Variants in GNG2 observed in about 807,000 individuals in gnomAD.
GNG2 encodes the protein guanine nucleotide-binding protein G(I)/G(S)/G(O) subunit gamma-2.
Under a neutral mutation model 5.5 loss-of-function variants are expected in GNG2, and 5 were observed. The ratio of observed to expected loss-of-function variants is 0.91; its 90% CI spans 0.48 to 1.92. The LOEUF is 1.92. GNG2 is among the 30% of genes most tolerant of loss of function. The pLI, the probability that GNG2 is intolerant of heterozygous loss-of-function variation, is 0.01. For missense variants in GNG2, 55 were observed against 88.4 expected, an observed-to-expected ratio of 0.62 and a Z score of 1.52; for synonymous variants, 28 against 32.0, an observed-to-expected ratio of 0.88 and a Z score of 0.42.
chr14:51,932,784 G>T (rs940375538), intron 2 of GNG2, among the ~76,000 whole-genome samples: 2 of 152,008 alleles, frequency 1.3e-5, no homozygotes, highest in African/African-American at 4.8e-5. Context: ...TAAAGTATCG[G>T]GTCCTAATCC....
chr14:51,951,650 A>G (rs1437416054), intron 3 of GNG2, among the ~76,000 whole-genome samples: 1 of 152,148 alleles, frequency 6.6e-6, no homozygotes, highest in Non-Finnish European at 1.5e-5. Context: ...TTTTCTCCAT[A>G]CCTAATTCAG....
chr14:51,930,279 G>A (rs565740113), intron 2 of GNG2, among the ~76,000 whole-genome samples: 11 of 152,246 alleles, frequency 7.2e-5, no homozygotes, highest in African/African-American at 2.2e-4. Context: ...CACATTTCTT[G>A]GTGAGGAGGG....
At chr14:51,827,951 C>A in intron 2 of GNG2, 2 of 581,038 alleles carry the variant, frequency 3.4e-6, no homozygotes, top group Middle Eastern at 2.6e-4. Context: ...CATAAAGCTG[C>A]GGAAGATGAG....
intron 3 of GNG2, among the ~76,000 whole-genome samples, chr14:51,963,733 T>A (rs1889744006): frequency 1.3e-5 from 2 of 152,218 alleles, no homozygotes; most frequent in South Asian, 4.1e-4. Context: ...TGCTCTATGA[T>A]ATTGAACAAC....
intron 2 of GNG2, among the ~76,000 whole-genome samples, chr14:51,917,851 T>A (rs1230066480): frequency 6.6e-6 from 1 of 151,852 alleles, no homozygotes; most frequent in Non-Finnish European, 1.5e-5. Flanking sequence ...CACGTTGAAA[T>A]CCTGTCTCTA....
chr14:51,905,793 C>T (rs1486554506), intron 2 of GNG2, among the ~76,000 whole-genome samples: 1 of 152,202 alleles, frequency 6.6e-6, no homozygotes, highest in South Asian at 2.1e-4. Context: ...GTTATGATAG[C>T]TAGTGAGTTC....
At chr14:51,904,175 G>A (rs945760767) in intron 2 of GNG2, among the ~76,000 whole-genome samples, 2 of 152,126 alleles carry the variant, frequency 1.3e-5, no homozygotes, top group African/African-American at 4.8e-5. Context: ...ACCTGACCCT[G>A]GGTGCTCAAA....
At chr14:51,855,590 AATTT>A (rs1468151352), upstream of GNG2, among the ~76,000 whole-genome samples, 1 of 152,222 alleles carries the variant, frequency 6.6e-6, no homozygotes, top group African/African-American at 2.4e-5. Flanking sequence ...ACAGCTCAGT[AATTT>A]ATTTATTCTT....
intron 3 of GNG2, among the ~76,000 whole-genome samples, chr14:51,966,094 C>T (rs1397407178): frequency 6.6e-6 from 1 of 150,490 alleles, no homozygotes; most frequent in Non-Finnish European, 1.5e-5. Flanking sequence ...CCTGTAGTCC[C>T]AGCTACTAGG....
intron 2 of GNG2, among the ~76,000 whole-genome samples, chr14:51,923,486 CAAAT>C (rs1340656809): frequency 6.6e-6 from 1 of 151,116 alleles, no homozygotes; most frequent in Non-Finnish European, 1.5e-5. Flanking sequence ...TCTGTATTGG[CAAAT>C]ATATGTATGT....
chr14:51,927,416 C>A (rs982530476), intron 2 of GNG2, among the ~76,000 whole-genome samples: 3 of 152,166 alleles, frequency 2.0e-5, no homozygotes, highest in Admixed American at 2.0e-4. Flanking sequence ...GAGAAAAATT[C>A]TTATTCAATA....
intron 1 of GNG2, among the ~76,000 whole-genome samples, chr14:51,866,971 A>G (rs541707207): frequency 1.3e-5 from 2 of 152,326 alleles, no homozygotes; most frequent in East Asian, 3.9e-4. Flanking sequence ...TTTCTAAGGG[A>G]TTATGTTGTG....
At chr14:51,856,533 A>C (rs7157011), upstream of GNG2, among the ~76,000 whole-genome samples, 30,054 of 152,096 alleles carry the variant, frequency 0.2, 3,393 homozygotes, top group East Asian at 0.4. Flanking sequence ...CCTGGGTTCA[A>C]GTGATTCTCC....
chr14:51,944,286 C>G (rs959950512), intron 2 of GNG2, among the ~76,000 whole-genome samples: 1 of 152,158 alleles, frequency 6.6e-6, no homozygotes, highest in Non-Finnish European at 1.5e-5. Context: ...GCTAAATGTG[C>G]AAGATCAAGA....
upstream of GNG2, among the ~76,000 whole-genome samples, chr14:51,857,782 C>T (rs1882230506): frequency 6.6e-6 from 1 of 152,096 alleles, no homozygotes; most frequent in African/African-American, 2.4e-5. Flanking sequence ...TTCTTATATT[C>T]CTGATGTGGG....
At chr14:51,905,277 T>C (rs1035767739) in intron 2 of GNG2, among the ~76,000 whole-genome samples, 2 of 152,212 alleles carry the variant, frequency 1.3e-5, no homozygotes, top group South Asian at 2.1e-4. Flanking sequence ...TTTGAAAGAA[T>C]TATTTGTGGA....
intron 2 of GNG2, among the ~76,000 whole-genome samples, chr14:51,854,605 G>A (rs1594839292): frequency 7.1e-6 from 1 of 140,226 alleles, no homozygotes; most frequent in East Asian, 2.0e-4. Flanking sequence ...CTCCTCCAGG[G>A]TTGCAAGCAA....
At chr14:51,898,620 T>C (rs557707019) in intron 2 of GNG2, among the ~76,000 whole-genome samples, 2 of 152,296 alleles carry the variant, frequency 1.3e-5, no homozygotes, top group Admixed American at 1.3e-4. Context: ...AGGCTCTTTG[T>C]CTGAATTAAA....
chr14:51,862,194 T>TAAAGA (rs1882540092), intron 1 of GNG2, among the ~76,000 whole-genome samples: 1 of 151,856 alleles, frequency 6.6e-6, no homozygotes, highest in East Asian at 1.9e-4. Context: ...TTATAGCTAC[T>TAAAGA]AAAGAAAAAA....
Sources: gnomAD v4.1 joint callset for allele counts (sites outside exome capture counted in the v4.1 genomes callset) on GRCh38, gnomAD v4.1.1 for gene constraint, MANE v1.5 for transcripts, NCBI Gene and HGNC (gene_info 2026-07-23, HGNC 2026-07-21) for gene names.